ADARB2: variants seen among roughly 807,000 people sequenced by gnomAD.
ADARB2 encodes the protein inactive double-stranded RNA-specific editase B2.
A neutral mutation model predicts 62.2 loss-of-function variants in ADARB2; 25 were observed. The ratio of observed to expected loss-of-function variants is 0.40; its 90% confidence interval spans 0.29 to 0.56. The LOEUF is 0.56. Ranked by LOEUF, ADARB2 falls within the 20% of genes least tolerant of loss-of-function variation. The pLI is 0.43. For missense variants in ADARB2, 1,071 were observed against 1,077.4 expected, an observed-to-expected ratio of 0.99 and a Z score of 0.08; for synonymous variants, 572 against 500.8, an observed-to-expected ratio of 1.14 and a Z score of -1.90.
chr10:1,730,249 T>C (rs1835214264), intron 1 of ADARB2, among the ~76,000 whole-genome samples: 1 of 152,218 alleles, frequency 6.6e-6, no homozygotes, highest in African/African-American at 2.4e-5. Flanking sequence ...CGTGCAGTGA[T>C]GAACGTGGCC....
intron 1 of ADARB2, among the ~76,000 whole-genome samples, chr10:1,393,153 A>C (rs1458547692): frequency 6.6e-6 from 1 of 152,206 alleles, no homozygotes; most frequent in African/African-American, 2.4e-5. Flanking sequence ...TATTGGTGGA[A>C]TGTGTCCATT....
chr10:1,249,441 CA>C (rs59037749), intron 4 of ADARB2, among the ~76,000 whole-genome samples: 10,798 of 74,306 alleles, frequency 0.15, 1,039 homozygotes, highest in African/African-American at 0.35. Context: ...GACCCTGTCT[CA>C]AAAAAAAAAA....
intron 6 of ADARB2, among the ~76,000 whole-genome samples, chr10:1,226,514 TC>T (rs1167928076): frequency 1.3e-5 from 2 of 152,232 alleles, no homozygotes; most frequent in Non-Finnish European, 1.5e-5. Context: ...GTTTTTCTGC[TC>T]TGTTTTCTTC....
intron 1 of ADARB2, among the ~76,000 whole-genome samples, chr10:1,629,313 C>A (rs1205541650): frequency 1.3e-5 from 2 of 152,094 alleles, no homozygotes. Context: ...GTTTCTGAGA[C>A]AAGTGTGGGT....
At chr10:1,499,687 T>C (rs961751072) in intron 1 of ADARB2, among the ~76,000 whole-genome samples, 1 of 151,956 alleles carries the variant, frequency 6.6e-6, no homozygotes, top group Non-Finnish European at 1.5e-5. Flanking sequence ...TAGCCATCAT[T>C]CACTCATTAC....
At chr10:1,715,945 G>A (rs1305970521) in intron 1 of ADARB2, among the ~76,000 whole-genome samples, 6 of 152,218 alleles carry the variant, frequency 3.9e-5, no homozygotes, top group Admixed American at 6.5e-5. Flanking sequence ...CTTCTCGCCC[G>A]ACTGCTAACT....
In ADARB2 at chr10:1,398,523, C is replaced by A. The variant is rs535306864; in HGVS notation, c.101-19363G>T. 6.6e-6 allele frequency among the ~76,000 whole-genome samples: 1 copy of A among 152,236 alleles called. No individual in the cohort carries two copies. The highest frequency in any genetic ancestry group is 2.4e-5 in the African/African-American group (1 of 41,468). The stretch of plus-strand genomic sequence containing the variant: ...AAGACCCCTCTCCAGGAGCCCCTAA[C>A]CCCAGTTCCAGATAAACCTTCTGTT... On this transcript the variant is annotated intron_variant, in intron 1 of 9. Coordinates refer to ENST00000381312, the MANE Select transcript of ADARB2 (RefSeq NM_018702.4). The surrounding 1 kb of genome is among the most constrained non-coding windows in gnomAD (Gnocchi z 4.1).
chr10:1,633,995 C>T (rs765428059), intron 1 of ADARB2, among the ~76,000 whole-genome samples: 3 of 152,194 alleles, frequency 2.0e-5, no homozygotes, highest in Non-Finnish European at 2.9e-5. Context: ...ACACAGAGCT[C>T]CTCGTCTCCA....
At chr10:1,735,056 T>A (rs751233232) in intron 1 of ADARB2, among the ~76,000 whole-genome samples, 31 of 152,220 alleles carry the variant, frequency 2.0e-4, no homozygotes, top group Admixed American at 4.6e-4. Context: ...AAAAATTGAA[T>A]CTTTAGCCGT....
chr10:1,560,280 AT>A (rs2131985598), intron 1 of ADARB2, among the ~76,000 whole-genome samples: 1 of 152,330 alleles, frequency 6.6e-6, no homozygotes, highest in East Asian at 1.9e-4. Context: ...GTCAGGAGTG[AT>A]TAATTAGAAA....
Position 1,496,218 on chromosome 10 carries a change from C to T in ADARB2, c.101-117058G>A, listed in dbSNP as rs146926516. Reference sequence around the variant, plus strand: ...ACCATAATAAGTATCAACATCATCACTATCATCATCATTGTCATTATCACC... The same window carrying T: ...ACCATAATAAGTATCAACATCATCATTATCATCATCATTGTCATTATCACC... On this transcript the variant is annotated intron_variant, in intron 1 of 9. Coordinates refer to ENST00000381312, the MANE Select transcript of ADARB2 (RefSeq NM_018702.4). Among the ~76,000 whole-genome samples, 1,174 of 151,654 alleles carry T rather than the reference C, an allele frequency of 7.7e-3. 12 individuals carry two copies. Among genetic ancestry groups the T allele is most frequent in the Non-Finnish European group, 0.011 (744 of 67,858 alleles).
At chr10:1,710,481 AG>A (rs1834937570) in intron 1 of ADARB2, among the ~76,000 whole-genome samples, 1 of 151,956 alleles carries the variant, frequency 6.6e-6, no homozygotes, top group South Asian at 2.1e-4. Context: ...CCAGAAGATA[AG>A]CTGGAGGGAT....
chr10:1,600,411 A>G (rs2176380), intron 1 of ADARB2, among the ~76,000 whole-genome samples: 20,824 of 152,074 alleles, frequency 0.14, 1,480 homozygotes, highest in East Asian at 0.17. Flanking sequence ...CTATAATCCC[A>G]ACACTTTGGG....
At chr10:1,504,788 G>A (rs1588280306) in intron 1 of ADARB2, among the ~76,000 whole-genome samples, 1 of 152,046 alleles carries the variant, frequency 6.6e-6, no homozygotes, top group Non-Finnish European at 1.5e-5. Flanking sequence ...TTCATTTTTT[G>A]CTATTAATAT....
chr10:1,541,194 C>T (rs1358605870), intron 1 of ADARB2, among the ~76,000 whole-genome samples: 13 of 31,588 alleles, frequency 4.1e-4, no homozygotes, highest in South Asian at 2.7e-3. Context: ...ATCACAGCCG[C>T]CCAGACCCCA....
chr10:1,241,318 C>G (rs2131776462), intron 5 of ADARB2, among the ~76,000 whole-genome samples: 1 of 152,336 alleles, frequency 6.6e-6, no homozygotes, highest in South Asian at 2.1e-4. Flanking sequence ...CTGCTTAGGG[C>G]TACACGTGGG....
At chr10:1,705,777 C>T (rs976674230) in intron 1 of ADARB2, among the ~76,000 whole-genome samples, 23 of 152,142 alleles carry the variant, frequency 1.5e-4, no homozygotes, top group Admixed American at 1.2e-3. Flanking sequence ...GGATAGCTGC[C>T]GTCCGCCTCT....
Position 1,182,950 on chromosome 10 carries a change from C to T in ADARB2, c.*243G>A, listed in dbSNP as rs573109361. 2.0e-5 allele frequency: 10 copies of T among 494,892 alleles called. No homozygotes were observed. The highest frequency in any genetic ancestry group is 5.8e-5 in the African/African-American group (3 of 51,584). The allele number at this position is 494,892 out of a possible 1,614,324, so 30.7% of individuals were successfully genotyped here. ...CTCCCTCAGACTCCACAGGAAGAGT[C>T]GGCGCTAACTCAACAGTGCATGTGC... is the stretch of plus-strand genomic sequence containing the variant. On this transcript the variant is annotated 3_prime_UTR_variant, in exon 10 of 10. Transcript: ENST00000381312.
chr10:1,377,300 T>C (rs1346002101), intron 2 of ADARB2, among the ~76,000 whole-genome samples: 1 of 143,518 alleles, frequency 7.0e-6, no homozygotes. Context: ...CGTGTGCTCC[T>C]GGGGTGTGTG....
Sources: allele counts gnomAD v4.1 joint callset (sites outside exome capture counted in the v4.1 genomes callset), GRCh38; gene constraint gnomAD v4.1.1; non-coding constraint Gnocchi (gnomAD v3.1); transcripts MANE v1.5; gene names NCBI Gene and HGNC (gene_info 2026-07-23, HGNC 2026-07-21).